MOB3B: variants seen among roughly 807,000 people sequenced by gnomAD.
The protein encoded by MOB3B is MOB kinase activator-like 2B.
Under a neutral mutation model 18.7 loss-of-function variants are expected in MOB3B, and 7 were observed. That is an observed-to-expected ratio of 0.37 (90% confidence interval 0.21 to 0.70). The LOEUF (loss-of-function observed/expected upper bound fraction) is 0.70, where lower values mean the gene tolerates loss of function less well. MOB3B is among the 30% of genes least tolerant of loss of function. The pLI, the probability that MOB3B is intolerant of heterozygous loss-of-function variation, is 0.52. For synonymous variants in MOB3B, 111 were observed against 99.9 expected, an observed-to-expected ratio of 1.11 and a Z score of -0.66; for missense variants, 253 against 281.3, an observed-to-expected ratio of 0.90 and a Z score of 0.72.
chr9:27,451,399 G>A (rs1350647470), intron 2 of MOB3B, among the ~76,000 whole-genome samples: 8 of 152,126 alleles, frequency 5.3e-5, no homozygotes, highest in African/African-American at 1.4e-4. Context: ...GGGAAACTAT[G>A]GTTTACAAGG....
intron 2 of MOB3B, among the ~76,000 whole-genome samples, chr9:27,409,388 T>C (rs1487586443): frequency 6.6e-6 from 1 of 152,174 alleles, no homozygotes; most frequent in Non-Finnish European, 1.5e-5. Context: ...TGAGATACCA[T>C]TTCATACCAT....
At chr9:27,365,973 G>C (rs774157748) in intron 2 of MOB3B, among the ~76,000 whole-genome samples, 27 of 152,202 alleles carry the variant, frequency 1.8e-4, no homozygotes, top group Non-Finnish European at 3.1e-4. Context: ...CAAGTTTCTA[G>C]CAGGAGTCTG....
chr9:27,406,779 A>G (rs976192672), intron 2 of MOB3B, among the ~76,000 whole-genome samples: 1 of 152,206 alleles, frequency 6.6e-6, no homozygotes, highest in African/African-American at 2.4e-5. Flanking sequence ...TGAAGCTATA[A>G]AACTACTTGA....
chr9:27,524,411 C>G (rs374342901), intron 1 of MOB3B: 41 of 1,613,862 alleles, frequency 2.5e-5, no homozygotes, highest in Non-Finnish European at 3.1e-5. Context: ...TTGCTGGCAC[C>G]CTATCCCTGG....
chr9:27,480,814 A>T (rs956674617), intron 1 of MOB3B, among the ~76,000 whole-genome samples: 1 of 152,228 alleles, frequency 6.6e-6, no homozygotes, highest in Non-Finnish European at 1.5e-5. Context: ...ACAAAATATG[A>T]AAAAAAGAAG....
intron 1 of MOB3B, among the ~76,000 whole-genome samples, chr9:27,478,856 G>A (rs948594178): frequency 2.6e-4 from 33 of 127,222 alleles, no homozygotes; most frequent in African/African-American, 6.6e-4. Flanking sequence ...CACACACAGC[G>A]GTAAATGGCA....
chr9:27,369,049 C>T (rs552239263), intron 2 of MOB3B, among the ~76,000 whole-genome samples: 7 of 152,276 alleles, frequency 4.6e-5, no homozygotes, highest in African/African-American at 7.2e-5. Flanking sequence ...AACCCTAGAC[C>T]GTGTAAACCT....
intron 2 of MOB3B, among the ~76,000 whole-genome samples, chr9:27,431,929 A>T (rs1587209017): frequency 6.6e-6 from 1 of 152,326 alleles, no homozygotes; most frequent in East Asian, 1.9e-4. Context: ...GCATGTTACA[A>T]ACTCCCCCAA....
intron 2 of MOB3B, among the ~76,000 whole-genome samples, chr9:27,412,076 GA>G (rs1198449644): frequency 9.3e-5 from 14 of 150,308 alleles, no homozygotes; most frequent in African/African-American, 3.2e-4. Flanking sequence ...TTAACAAGGA[GA>G]AACGAAATAA....
Position 27,326,336 on chromosome 9 carries a change from A to G in MOB3B, c.*4251T>C, listed in dbSNP as rs986024169. 22 of 396,714 alleles carry G rather than the reference A, an allele frequency of 5.5e-5. No individual in the cohort carries two copies. The highest frequency in any genetic ancestry group is 1.1e-4 in the East Asian group (3 of 27,994). The allele number at this position is 396,714 out of a possible 1,614,324, so 24.6% of individuals were successfully genotyped here. A position where few individuals can be genotyped will look rare whatever the true frequency, so the allele number is the denominator to read the frequency against. On this transcript the variant is annotated 3_prime_UTR_variant, in exon 4 of 4. Coordinates refer to ENST00000262244, the MANE Select transcript of MOB3B (RefSeq NM_024761.5). ...GCAAGGGAAAGGAGGCTGAAGCACA[A>G]CTGGTAATAGCCTTCAGATATTTAA...
intron 2 of MOB3B, among the ~76,000 whole-genome samples, chr9:27,443,741 T>G (rs1274998849): frequency 6.6e-6 from 1 of 152,200 alleles, no homozygotes; most frequent in African/African-American, 2.4e-5. Flanking sequence ...AGACTCACCA[T>G]CAGGGTTTTG....
intron 2 of MOB3B, among the ~76,000 whole-genome samples, chr9:27,364,212 T>A (rs1821313027): frequency 6.6e-6 from 1 of 152,202 alleles, no homozygotes; most frequent in African/African-American, 2.4e-5. Context: ...GAGCTGTGCA[T>A]GGCTGGGTCT....
At chr9:27,496,050 C>G (rs1819893267) in intron 1 of MOB3B, among the ~76,000 whole-genome samples, 2 of 152,220 alleles carry the variant, frequency 1.3e-5, no homozygotes, top group Admixed American at 1.3e-4. Flanking sequence ...AGCGTTATCT[C>G]TCTATGCTAA....
At chr9:27,462,140 T>C (rs765533642) in intron 1 of MOB3B, among the ~76,000 whole-genome samples, 7 of 152,190 alleles carry the variant, frequency 4.6e-5, no homozygotes, top group African/African-American at 9.6e-5. Context: ...GTAAAATTAT[T>C]ACAGGATAAA....
chr9:27,502,617 CAG>C (rs1301992447), intron 1 of MOB3B, among the ~76,000 whole-genome samples: 1 of 152,190 alleles, frequency 6.6e-6, no homozygotes, highest in Non-Finnish European at 1.5e-5. Flanking sequence ...GGAACACGGC[CAG>C]GGCAGCCATC....
At chr9:27,409,723 G>A (rs1220833262) in intron 2 of MOB3B, among the ~76,000 whole-genome samples, 1 of 151,938 alleles carries the variant, frequency 6.6e-6, no homozygotes, top group East Asian at 1.9e-4. Context: ...ACAAAATGTG[G>A]TATATATATA....
intron 2 of MOB3B, among the ~76,000 whole-genome samples, chr9:27,360,069 C>A (rs1460944692): frequency 6.6e-6 from 1 of 152,152 alleles, no homozygotes; most frequent in Non-Finnish European, 1.5e-5. Context: ...TGTAAAAGAG[C>A]GGTCATAATA....
chr9:27,445,926 C>T (rs915823141), intron 2 of MOB3B, among the ~76,000 whole-genome samples: 2 of 152,258 alleles, frequency 1.3e-5, no homozygotes, highest in South Asian at 2.1e-4. Flanking sequence ...CTTAATTCTT[C>T]GCTGCTCTCC....
chr9:27,476,569 C>T (rs1819556413), intron 1 of MOB3B, among the ~76,000 whole-genome samples: 1 of 152,166 alleles, frequency 6.6e-6, no homozygotes, highest in South Asian at 2.1e-4. Flanking sequence ...ACCCTGTTTT[C>T]AAATAAGGTC....
Sources: gnomAD v4.1 joint callset for allele counts (sites outside exome capture counted in the v4.1 genomes callset) on GRCh38, gnomAD v4.1.1 for gene constraint, MANE v1.5 for transcripts, NCBI Gene and HGNC (gene_info 2026-07-23, HGNC 2026-07-21) for gene names.